Variants in GLYATL2 observed in about 807,000 individuals in gnomAD.
The protein encoded by GLYATL2 is glycine-N-acyltransferase like 2, also known as glycine N-acyltransferase-like protein 2.
A neutral mutation model predicts 21.4 loss-of-function variants in GLYATL2; 25 were observed. That is an observed-to-expected ratio of 1.17 (90% CI 0.85 to 1.63). The LOEUF (loss-of-function observed/expected upper bound fraction) is 1.63. GLYATL2 is among the 40% of genes most tolerant of loss of function. The probability of loss-of-function intolerance (pLI) is 0.00; values close to 1 mark genes in which losing one functional copy is unlikely to be tolerated. For synonymous variants in GLYATL2, 114 were observed against 118.2 expected, an observed-to-expected ratio of 0.96 and a Z score of 0.23; for missense variants, 361 against 343.3, an observed-to-expected ratio of 1.05 and a Z score of -0.41.
chr11:58,904,013 G>C (rs2134632326), intron 1 of GLYATL2: 1 of 152,294 alleles, frequency 6.6e-6, no homozygotes, highest in East Asian at 1.9e-4. Context: ...TATCTTTCTA[G>C]TTGCTCAAGT....
intron 1 of GLYATL2, among the ~76,000 whole-genome samples, chr11:58,856,958 C>T (rs552745490): frequency 1.3e-5 from 2 of 152,306 alleles, no homozygotes; most frequent in South Asian, 2.1e-4. Context: ...TGTAAAACTA[C>T]AGTACCTGTG....
Position 58,834,359 on chromosome 11 carries a change from T to A in GLYATL2, c.*70A>T, listed in dbSNP as rs1208355802. ...CAGTTGCATTTTGTGCTAATGTAGA[T>A]CACAATGCTTGTGTTTGAATTAATG... On this transcript the variant is annotated 3_prime_UTR_variant, in exon 6 of 6. Coordinates refer to ENST00000287275, the MANE Select transcript of GLYATL2 (RefSeq NM_145016.4). 4.7e-6 allele frequency: 6 copies of A among 1,289,570 alleles called. No individual in the cohort carries two copies. In the African/African-American group the frequency reaches 9.0e-5, roughly 19 times the overall value. 79.9% of individuals were successfully genotyped at this position (1,289,570 alleles called of 1,614,324 possible).
intron 1 of GLYATL2, among the ~76,000 whole-genome samples, chr11:58,839,925 A>G (rs778210183): frequency 1.3e-5 from 2 of 152,184 alleles, no homozygotes; most frequent in Non-Finnish European, 2.9e-5. Context: ...ATTTGATTCA[A>G]ACCAGTAAAA....
upstream of GLYATL2, among the ~76,000 whole-genome samples, chr11:58,849,331 C>T (rs1296644465): frequency 6.6e-6 from 1 of 151,964 alleles, no homozygotes; most frequent in Admixed American, 6.6e-5. Context: ...CTACTTTTAT[C>T]CTAAATAGAA....
Position 58,834,129 on chromosome 11 carries a change from T to C in GLYATL2, c.*300A>G, listed in dbSNP as rs1853380952. ...AAAGTGAATTTTTTCATGAAAGAAA[T>C]AGTCTTCATTTAAGAAAGTGTTGCC... On this transcript the variant is annotated 3_prime_UTR_variant, in exon 6 of 6. Transcript: ENST00000287275. The C allele has an allele frequency of 4.5e-6, 1 of 221,786 alleles. No individual in the cohort carries two copies. The highest frequency in any genetic ancestry group is 8.7e-6 in the Non-Finnish European group (1 of 114,402). The allele number at this position is 221,786 out of a possible 1,614,324, so 13.7% of individuals were successfully genotyped here.
At chr11:58,835,720 T>G in intron 5 of GLYATL2, among the ~76,000 whole-genome samples, 1 of 152,166 alleles carries the variant, frequency 6.6e-6, no homozygotes, top group Non-Finnish European at 1.5e-5. Context: ...TCAAGTACCC[T>G]TTCCTGTACC....
At chr11:58,877,363 G>A (rs562562283) in intron 1 of GLYATL2, among the ~76,000 whole-genome samples, 38 of 152,244 alleles carry the variant, frequency 2.5e-4, no homozygotes, top group Non-Finnish European at 2.4e-4. Flanking sequence ...CTTCTGTGTC[G>A]CTCACACTGG....
At chr11:58,852,718 T>C (rs1853763491) in intron 1 of GLYATL2, among the ~76,000 whole-genome samples, 1 of 152,218 alleles carries the variant, frequency 6.6e-6, no homozygotes, top group African/African-American at 2.4e-5. Flanking sequence ...TTTGAGACCA[T>C]ATTATCTGCC....
chr11:58,894,423 G>T (rs1565109195), intron 1 of GLYATL2, among the ~76,000 whole-genome samples: 1 of 145,364 alleles, frequency 6.9e-6, no homozygotes, highest in Non-Finnish European at 1.5e-5. Flanking sequence ...CTTTGGCTCT[G>T]CTCTGTCACC....
At chr11:58,884,160 A>G (rs1466012945) in intron 1 of GLYATL2, among the ~76,000 whole-genome samples, 3 of 152,226 alleles carry the variant, frequency 2.0e-5, no homozygotes, top group Non-Finnish European at 1.5e-5. Context: ...GGCACAAGAC[A>G]TGGATGCCCT....
upstream of GLYATL2, among the ~76,000 whole-genome samples, chr11:58,848,675 T>A (rs573242767): frequency 2.0e-4 from 31 of 151,868 alleles, no homozygotes; most frequent in African/African-American, 7.2e-4. Context: ...AATAAAAAAA[T>A]TAAAAAACAA....
chr11:58,846,161 G>C (rs1853639015), upstream of GLYATL2, among the ~76,000 whole-genome samples: 1 of 152,098 alleles, frequency 6.6e-6, no homozygotes, highest in Non-Finnish European at 1.5e-5. Context: ...ACAGCAAACT[G>C]TGGATAGTTG....
rs185691875 is a variant in GLYATL2, at chr11:58,856,142, A to G, written n.61-17774T>C. Among the ~76,000 whole-genome samples, 25 of 152,164 alleles carry G rather than the reference A, an allele frequency of 1.6e-4. 1 individual carries two copies. Among genetic ancestry groups the G allele is most frequent in the Admixed American group, 1.6e-3 (24 of 15,292 alleles). On this transcript the variant is annotated intron_variant and non_coding_transcript_variant, in intron 1 of 4. Transcript: ENST00000533636. ...GAGTGAAACTCTGTCTAAAAGAAAA[A>G]AAAAAGAAAAAGAAAATGGCTTCTT...
intron 1 of GLYATL2, among the ~76,000 whole-genome samples, chr11:58,851,829 A>G (rs1374101077): frequency 1.3e-5 from 2 of 152,204 alleles, no homozygotes; most frequent in Non-Finnish European, 2.9e-5. Flanking sequence ...CTGGAAAAAC[A>G]TGGTTGGGAG....
chr11:58,877,568 G>A (rs763884598), intron 1 of GLYATL2, among the ~76,000 whole-genome samples: 7 of 152,202 alleles, frequency 4.6e-5, no homozygotes, highest in African/African-American at 9.6e-5. Flanking sequence ...AGGAGACTGC[G>A]AAGAAGTAAC....
At chr11:58,885,546 G>A in intron 1 of GLYATL2, 2 of 447,250 alleles carry the variant, frequency 4.5e-6, no homozygotes, top group Non-Finnish European at 9.0e-6. Context: ...AAACAGGTAG[G>A]CACACAAACA....
chr11:58,895,108 C>T (rs1430114908), intron 1 of GLYATL2, among the ~76,000 whole-genome samples: 2 of 152,160 alleles, frequency 1.3e-5, no homozygotes, highest in Admixed American at 6.5e-5. Context: ...CTGGCAGCTT[C>T]CCTCCTCTGT....
intron 1 of GLYATL2, 48 bp from the exon 2 acceptor site, chr11:58,839,700 G>A (rs1011336082): frequency 3.4e-6 from 3 of 872,902 alleles, no homozygotes; most frequent in African/African-American, 3.3e-5. Context: ...GATATGATAG[G>A]TGTCCAGAAA....
intron 1 of GLYATL2, chr11:58,892,264 C>T (rs1854557304): frequency 6.2e-6 from 1 of 161,640 alleles, no homozygotes; most frequent in South Asian, 1.9e-4. Flanking sequence ...ATCATATATT[C>T]TCCAAAGCTC....
Sources: allele counts gnomAD v4.1 joint callset (sites outside exome capture counted in the v4.1 genomes callset), GRCh38; gene constraint gnomAD v4.1.1; transcripts MANE v1.5; gene names NCBI Gene and HGNC (gene_info 2026-07-23, HGNC 2026-07-21).